The following SPATA21 variants were observed in gnomAD, a reference collection of about 807,000 sequenced individuals.
The protein encoded by SPATA21 is spermatogenesis associated 21.
SPATA21 carries 47 observed loss-of-function variants against 54.8 expected under a neutral mutation model. That is an observed-to-expected ratio of 0.86 (90% confidence interval 0.68 to 1.09). SPATA21 has a LOEUF of 1.09. Ranked by LOEUF, SPATA21 falls within the 50% of genes least tolerant of loss-of-function variation. The pLI is 0.00. For synonymous variants in SPATA21, 245 were observed against 235.3 expected (o/e 1.04, Z -0.38); for missense variants, 599 against 596.4 (o/e 1.00, Z -0.05).
chr1:16,431,496 C>T, intron 2 of SPATA21, 74 bp from the exon 3 acceptor site: 2 of 1,421,268 alleles, frequency 1.4e-6, no homozygotes, highest in Non-Finnish European at 1.9e-6. Context: ...CACTTGGAGC[C>T]TATAATGTAG....
At chr1:16,427,073 G>A (rs1275351831) in intron 3 of SPATA21, among the ~76,000 whole-genome samples, 3 of 152,124 alleles carry the variant, frequency 2.0e-5, no homozygotes, top group African/African-American at 7.2e-5. Context: ...TTAAGATAAT[G>A]TGACAGTGAA....
At chr1:16,431,838 G>A (rs748248724) in intron 2 of SPATA21, among the ~76,000 whole-genome samples, 6 of 152,184 alleles carry the variant, frequency 3.9e-5, no homozygotes, top group Admixed American at 6.5e-5. Context: ...GTGCTGTGAT[G>A]AGCGAAATGA....
At position 16,408,988 on chromosome 1, in the gene SPATA21, C is replaced by T. The variant is rs949580233; in HGVS notation, c.673+130G>A. ...CCCATAGGCCAAGTGCAGAAAACCCCTGCTGGGTCTGCTACACATGGCGGC... is the reference window on the plus strand; with the variant it reads ...CCCATAGGCCAAGTGCAGAAAACCCTTGCTGGGTCTGCTACACATGGCGGC... On this transcript the variant is annotated intron_variant, in intron 7 of 12. Coordinates refer to ENST00000335496, the MANE Select transcript of SPATA21 (RefSeq NM_198546.1). The T allele has an allele frequency of 5.4e-6, 5 of 928,046 alleles. No individual in the cohort carries two copies. The African/African-American group carries it at 8.3e-5, about 15-fold the overall frequency. 57.5% of individuals were successfully genotyped at this position (928,046 alleles called of 1,614,324 possible). A position where few individuals can be genotyped will look rare whatever the true frequency, so the allele number is the denominator to read the frequency against.
intron 7 of SPATA21, among the ~76,000 whole-genome samples, 179 bp from the exon 8 acceptor site, chr1:16,405,283 C>T (rs2085595643): frequency 6.6e-6 from 1 of 152,104 alleles, no homozygotes; most frequent in South Asian, 2.1e-4. Flanking sequence ...AGGCAGATCA[C>T]CTGAGGCCAG....
intron 1 of SPATA21, among the ~76,000 whole-genome samples, chr1:16,435,219 T>A (rs1396431585): frequency 1.3e-5 from 2 of 152,136 alleles, no homozygotes; most frequent in Non-Finnish European, 2.9e-5. Context: ...CTCATTCTGA[T>A]TTTGATTTGC....
At chr1:16,414,787 GA>G (rs760913573) in intron 5 of SPATA21, among the ~76,000 whole-genome samples, 3 of 149,734 alleles carry the variant, frequency 2.0e-5, no homozygotes, top group Non-Finnish European at 4.4e-5. Flanking sequence ...AGCTACTCGG[GA>G]AGGCTGAGGC....
At chr1:16,399,549 A>G (rs1276180761) in intron 11 of SPATA21, 28 bp from the exon 12 acceptor site, 1 of 1,606,306 alleles carries the variant, frequency 6.2e-7, no homozygotes, top group Non-Finnish European at 8.5e-7. Flanking sequence ...AGAAGGAGGA[A>G]TGCTTCACAG....
At chr1:16,404,866 C>T (rs2085577749) in intron 8 of SPATA21, 101 bp downstream of exon 8, 1 of 1,318,282 alleles carries the variant, frequency 7.6e-7, no homozygotes. Flanking sequence ...TTAAACCAAG[C>T]ACAGGATCCT....
chr1:16,417,438 CTTTTTTTT>C lies in SPATA21; in HGVS notation c.144+4063_144+4070del, dbSNP rs550527293. 5.1e-3 allele frequency among the ~76,000 whole-genome samples: 640 copies of C among 124,774 alleles called. 2 individuals are homozygous for C. Among genetic ancestry groups the C allele is most frequent in the African/African-American group, 0.019 (624 of 33,240 alleles). The allele number at this position is 124,774 out of a possible 152,430, so 81.9% of individuals were successfully genotyped here. A position where few individuals can be genotyped will look rare whatever the true frequency, so the allele number is the denominator to read the frequency against. ...CATGCCCAGCTAATTTTTTTGTGGG[CTTTTTTTT>C]TTTTTTTTTGAGACAAAGTCTCGCT... On this transcript the variant is annotated intron_variant, in intron 5 of 12. Coordinates refer to ENST00000335496, the MANE Select transcript of SPATA21 (RefSeq NM_198546.1).
chr1:16,400,939 A>C lies in SPATA21; in HGVS notation c.1002-47T>G, dbSNP rs200795315. The stretch of plus-strand genomic sequence containing the variant: ...ATCTCAGCCTGGCTGTGTTTAATTC[A>C]CCCTTCTCCTCCTCAGCCCCTATCT... On this transcript the variant is annotated intron_variant, in intron 10 of 12. Coordinates refer to ENST00000335496, the MANE Select transcript of SPATA21 (RefSeq NM_198546.1). The C allele has an allele frequency of 2.1e-5, 33 of 1,580,860 alleles. No homozygotes were observed. In the Admixed American group the frequency reaches 2.7e-4, roughly 13 times the overall value.
rs1318131975 is a variant in SPATA21, at chr1:16,428,307, G to C, written c.34+3031C>G. ...AGGACAGCTTGAAAGAGCACCCTGGGGGACCCCAAGACTCTCACAAGGTCC... is the reference window on the plus strand; with the variant it reads ...AGGACAGCTTGAAAGAGCACCCTGGCGGACCCCAAGACTCTCACAAGGTCC... On this transcript the variant is annotated intron_variant, in intron 3 of 12. Transcript: ENST00000335496. The surrounding 1 kb of genome is among the most constrained non-coding windows in gnomAD (Gnocchi z 4.3). Among the ~76,000 whole-genome samples, 1 of 152,160 alleles carries C rather than the reference G, an allele frequency of 6.6e-6. No homozygotes were observed. Among genetic ancestry groups the C allele is most frequent in the African/African-American group, 2.4e-5 (1 of 41,466 alleles).
chr1:16,425,834 G>C, intron 3 of SPATA21: 1 of 994,960 alleles, frequency 1.0e-6, no homozygotes, highest in Non-Finnish European at 1.4e-6. Context: ...CTAACGCCTG[G>C]AAGGACCAAT....
chr1:16,404,596 T>G (rs952974626), intron 8 of SPATA21, among the ~76,000 whole-genome samples: 1 of 152,018 alleles, frequency 6.6e-6, no homozygotes, highest in African/African-American at 2.4e-5. Flanking sequence ...GCAGGCAGAT[T>G]CCTTGAGTCC....
At chr1:16,416,584 G>A (rs752211080) in intron 5 of SPATA21, among the ~76,000 whole-genome samples, 34 of 151,854 alleles carry the variant, frequency 2.2e-4, no homozygotes, top group Non-Finnish European at 3.4e-4. Flanking sequence ...AGGCTGAGGC[G>A]GGAGAATTGC....
At chr1:16,422,487 G>T (rs1226670245) in intron 3 of SPATA21, among the ~76,000 whole-genome samples, 1 of 147,932 alleles carries the variant, frequency 6.8e-6, no homozygotes, top group African/African-American at 2.5e-5. Context: ...TTTAAATAGG[G>T]TTTTCCTTTG....
In SPATA21 at chr1:16,409,355, AGAG is replaced by A. The variant is rs1280346197; in HGVS notation, c.588-155_588-153del. 8.8e-6 allele frequency: 8 copies of A among 910,720 alleles called. No homozygotes were observed. Among genetic ancestry groups the A allele is most frequent in the Admixed American group, 4.8e-5 (2 of 41,486 alleles). The allele number at this position is 910,720 out of a possible 1,614,324, so 56.4% of individuals were successfully genotyped here. A position where few individuals can be genotyped will look rare whatever the true frequency, so the allele number is the denominator to read the frequency against. On this transcript the variant is annotated intron_variant, in intron 6 of 12. Transcript: ENST00000335496. This position sits in a 1 kb window ranked among gnomAD's most constrained non-coding sequence, Gnocchi z 4.1. The stretch of plus-strand genomic sequence containing the variant: ...AAGAATGGCAGGAAAAAGGAGATCC[AGAG>A]GAGAAGTGGGACAGAGGAGAGGGGA...
At chr1:16,434,470 T>A (rs1027004455) in intron 1 of SPATA21, among the ~76,000 whole-genome samples, 6 of 151,976 alleles carry the variant, frequency 3.9e-5, no homozygotes, top group African/African-American at 1.2e-4. Context: ...AAAAATTTTT[T>A]AATTTTAAAT....
rs540369735 is a variant in SPATA21, at chr1:16,432,849, C to T, written c.-111G>A. 3.9e-5 allele frequency: 6 copies of T among 152,370 alleles called. No individual in the cohort carries two copies. Among genetic ancestry groups the T allele is most frequent in the African/African-American group, 1.2e-4 (5 of 41,576 alleles). The allele number at this position is 152,370 out of a possible 1,614,324, so 9.4% of individuals were successfully genotyped here. A position where few individuals can be genotyped will look rare whatever the true frequency, so the allele number is the denominator to read the frequency against. On this transcript the variant is annotated 5_prime_UTR_variant, in exon 2 of 13. The change creates a new upstream start codon in the 5' untranslated region. Transcript: ENST00000335496. The stretch of plus-strand genomic sequence containing the variant: ...ATCATGGCAGGCCCGCCAGCATCCA[C>T]GGAGGAACCTTCCATGTGCTGGAAA...
Position 16,409,169 on chromosome 1 carries a change from A to G in SPATA21, c.622T>C (p.Tyr208His). Residue 208 changes from tyrosine (Y) to histidine (H), a missense_variant, in exon 7 of 13, where the codon TAT becomes CAT. Physicochemically the swap from Tyr to His is moderately conservative, Grantham distance 83. Transcript: ENST00000335496. The surrounding 1 kb of genome is among the most constrained non-coding windows in gnomAD (Gnocchi z 4.1). Reference protein sequence around the residue: ...EPEEQSLQKLYQNREKSEEQL... With the variant: ...EPEEQSLQKLHQNREKSEEQL... ...TCCTCGGACTTCTCCCGGTTTTGAT[A>G]AAGCTTTTGGAGGCTCTGCTCTTCC... 6.2e-7 allele frequency: 1 copy of G among 1,613,988 alleles called. No homozygotes were observed. Among genetic ancestry groups the G allele is most frequent in the South Asian group, 1.1e-5 (1 of 91,082 alleles).
Sources: gnomAD v4.1 joint callset for allele counts (sites outside exome capture counted in the v4.1 genomes callset) on GRCh38, gnomAD v4.1.1 for gene constraint, Gnocchi (gnomAD v3.1) non-coding constraint, MANE v1.5 for transcripts, NCBI Gene and HGNC (gene_info 2026-07-23, HGNC 2026-07-21) for gene names.